The following AIM2 variants were observed in gnomAD, a reference collection of about 807,000 sequenced individuals.
AIM2 encodes absent in melanoma 2, also known as interferon-inducible protein AIM2.
A neutral mutation model predicts 27.7 loss-of-function variants in AIM2; 30 were observed. That is an observed-to-expected ratio of 1.08 (90% CI 0.81 to 1.47). The LOEUF (loss-of-function observed/expected upper bound fraction) is 1.47, where lower values mean the gene tolerates loss of function less well. Among genes scored for constraint, AIM2 ranks in the 40% most tolerant of loss-of-function variants. The probability of loss-of-function intolerance (pLI) is 0.00; values close to 1 mark genes in which losing one functional copy is unlikely to be tolerated. For missense variants in AIM2, 358 were observed against 411.3 expected, an observed-to-expected ratio of 0.87 and a Z score of 1.12; for synonymous variants, 141 against 145.3, an observed-to-expected ratio of 0.97 and a Z score of 0.21.
upstream of AIM2, among the ~76,000 whole-genome samples, chr1:159,144,288 A>C (rs972739203): frequency 4.6e-5 from 7 of 152,012 alleles, no homozygotes; most frequent in Non-Finnish European, 5.9e-5. Context: ...CCCCCCACCA[A>C]CAAGTGTCTC....
chr1:159,135,258 A>G (rs1647992122), intron 1 of AIM2, among the ~76,000 whole-genome samples: 1 of 152,100 alleles, frequency 6.6e-6, no homozygotes, highest in Admixed American at 6.6e-5. Flanking sequence ...GATTACTTTC[A>G]CCTTCATCTC....
upstream of AIM2, among the ~76,000 whole-genome samples, chr1:159,142,903 CTGAT>C (rs1196860025): frequency 3.3e-5 from 5 of 152,064 alleles, no homozygotes; most frequent in African/African-American, 1.2e-4. Context: ...GATTTAAAGA[CTGAT>C]TGTGTTCACC....
In AIM2 at chr1:159,068,707, TAAAAAATG is replaced by T. The variant is rs1433178620; in HGVS notation, c.263-14_263-7del. On this transcript the variant is annotated splice_region_variant and splice_polypyrimidine_tract_variant and intron_variant, in intron 2 of 5. Coordinates refer to ENST00000368130, the MANE Select transcript of AIM2 (RefSeq NM_004833.3). The stretch of plus-strand genomic sequence containing the variant: ...CGATTTGTATTGCTTATCAACTGAT[TAAAAAATG>T]AAAGACATGGCCAATAAGCATATAA... 6.2e-7 allele frequency: 1 copy of T among 1,612,506 alleles called. No individual in the cohort carries two copies. Among genetic ancestry groups the T allele is most frequent in the Non-Finnish European group, 8.5e-7 (1 of 1,179,328 alleles).
At position 159,146,704 on chromosome 1, in the gene AIM2, T is replaced by G. The variant is rs1570988344; in HGVS notation, n.87+306A>C. Among the ~76,000 whole-genome samples the G allele has an allele frequency of 2.0e-5, 3 of 152,138 alleles. No individual in the cohort carries two copies. The South Asian group carries it at 6.2e-4, about 32-fold the overall frequency. On this transcript the variant is annotated intron_variant and non_coding_transcript_variant, in intron 1 of 6. Transcript: ENST00000411768. Reference sequence around the variant, plus strand: ...TCATTGTTCCCAGTCTTCCCTAGATTCAGCCCACTGCTCTTCTCTGTCTCT... The same window carrying G: ...TCATTGTTCCCAGTCTTCCCTAGATGCAGCCCACTGCTCTTCTCTGTCTCT...
intron 1 of AIM2, among the ~76,000 whole-genome samples, chr1:159,130,379 C>T (rs1647837446): frequency 6.6e-6 from 1 of 152,186 alleles, no homozygotes; most frequent in Admixed American, 6.5e-5. Context: ...TATCTAGCTG[C>T]CCATTAGACA....
chr1:159,101,869 G>A (rs571450948), intron 1 of AIM2, among the ~76,000 whole-genome samples: 59 of 152,278 alleles, frequency 3.9e-4, no homozygotes, highest in African/African-American at 1.3e-3. Context: ...ATAAAAGTTT[G>A]GAAAATTTGC....
At chr1:159,120,117 T>C (rs1228819595) in intron 1 of AIM2, among the ~76,000 whole-genome samples, 1 of 152,134 alleles carries the variant, frequency 6.6e-6, no homozygotes, top group Admixed American at 6.6e-5. Flanking sequence ...TTGAAAACAC[T>C]GGATCCTGAT....
intron 2 of AIM2, among the ~76,000 whole-genome samples, chr1:159,068,941 C>A (rs1205522207): frequency 6.6e-6 from 1 of 152,024 alleles, no homozygotes; most frequent in Admixed American, 6.5e-5. Context: ...GGGTTTGAGA[C>A]CAGCTTAGTC....
rs112897047 is a variant in AIM2 at position 159,104,692 on chromosome 1, C to A, written c.-16+35739G>T. On this transcript the variant is annotated intron_variant, in intron 1 of 2. Coordinates refer to the AIM2 transcript ENST00000368129. ...TCAGATATATTAAATTGACTTCGTT[C>A]GTCTCTTTTTACTTTTTTGAGGTAG... Among the ~76,000 whole-genome samples the A allele has an allele frequency of 3.2e-4, 48 of 152,188 alleles. 1 individual carries two copies. In the East Asian group the frequency reaches 8.7e-3, roughly 28 times the overall value.
chr1:159,065,784 G>A, intron 4 of AIM2, 126 bp downstream of exon 4: 1 of 1,077,568 alleles, frequency 9.3e-7, no homozygotes, highest in Non-Finnish European at 1.3e-6. Context: ...CAGCTCTTTA[G>A]AACTTTGTAT....
At chr1:159,081,149 G>T (rs921197689), upstream of AIM2, 1 of 232,322 alleles carries the variant, frequency 4.3e-6, no homozygotes, top group South Asian at 8.1e-5. Flanking sequence ...TCAGATTCAG[G>T]AACTTCATCA....
chr1:159,108,558 G>A (rs1185760407), intron 1 of AIM2, among the ~76,000 whole-genome samples: 1 of 152,130 alleles, frequency 6.6e-6, no homozygotes, highest in Non-Finnish European at 1.5e-5. Context: ...TCAGACAAGA[G>A]AAAGAAATAA....
At chr1:159,141,321 T>C (rs1463716066), upstream of AIM2, among the ~76,000 whole-genome samples, 1 of 152,218 alleles carries the variant, frequency 6.6e-6, no homozygotes, top group Non-Finnish European at 1.5e-5. Flanking sequence ...CTTTCCGTCT[T>C]GGTCACTATG....
intron 1 of AIM2, among the ~76,000 whole-genome samples, chr1:159,116,786 A>G (rs1473014272): frequency 2.0e-5 from 3 of 152,034 alleles, no homozygotes; most frequent in African/African-American, 7.3e-5. Context: ...ATACATATGT[A>G]ACTAACCTGC....
At chr1:159,132,281 T>C (rs1647907469) in intron 1 of AIM2, 1 of 150,388 alleles carries the variant, frequency 6.6e-6, no homozygotes, top group Non-Finnish European at 1.5e-5. Flanking sequence ...GGCAGGATAA[T>C]CACTTGAACC....
chr1:159,108,520 A>C (rs1557907386), intron 1 of AIM2, among the ~76,000 whole-genome samples: 1 of 152,218 alleles, frequency 6.6e-6, no homozygotes, highest in African/African-American at 2.4e-5. Context: ...CCTCTTCAAC[A>C]TAGTACTGGA....
chr1:159,146,748 C>T (rs531696847), intron 1 of AIM2, among the ~76,000 whole-genome samples: 1 of 152,264 alleles, frequency 6.6e-6, no homozygotes, highest in African/African-American at 2.4e-5. Flanking sequence ...TAGCCATCAA[C>T]CTCAAGGCAC....
chr1:159,103,552 G>A (rs1015067070), intron 1 of AIM2, among the ~76,000 whole-genome samples: 2 of 152,158 alleles, frequency 1.3e-5, no homozygotes, highest in Non-Finnish European at 2.9e-5. Flanking sequence ...AACAAGGGGA[G>A]GTGGAGGAAG....
At chr1:159,061,376 T>G (rs1258054699), downstream of AIM2, among the ~76,000 whole-genome samples, 1 of 152,018 alleles carries the variant, frequency 6.6e-6, no homozygotes, top group Non-Finnish European at 1.5e-5. Flanking sequence ...TGAGTGTTCT[T>G]TATAAATTCT....
Sources: gnomAD v4.1 joint callset for allele counts (sites outside exome capture counted in the v4.1 genomes callset) on GRCh38, gnomAD v4.1.1 for gene constraint, MANE v1.5 for transcripts, NCBI Gene and HGNC (gene_info 2026-07-23, HGNC 2026-07-21) for gene names.